The following HIVEP3 variants were observed in gnomAD, a reference collection of about 807,000 sequenced individuals.
The protein encoded by HIVEP3 is transcription factor HIVEP3.
HIVEP3 carries 49 observed loss-of-function variants against 152.8 expected under a neutral mutation model. The ratio of observed to expected loss-of-function variants is 0.32; its 90% CI spans 0.26 to 0.41. The LOEUF is 0.41. Ranked by LOEUF, HIVEP3 falls within the 10% of genes least tolerant of loss-of-function variation. The pLI, the probability that HIVEP3 is intolerant of heterozygous loss-of-function variation, is 1.00. For synonymous variants in HIVEP3, 1,269 were observed against 1,289.0 expected (o/e 0.98, Z 0.33); for missense variants, 2,790 against 3,103.3 (o/e 0.90, Z 2.40).
chr1:41,970,305 G>A (rs1570855054), intron 1 of HIVEP3, among the ~76,000 whole-genome samples: 1 of 152,118 alleles, frequency 6.6e-6, no homozygotes. Flanking sequence ...TATCAATGAT[G>A]GACTAGATAA....
At chr1:42,002,079 G>A (rs1042066068) in intron 1 of HIVEP3, among the ~76,000 whole-genome samples, 3 of 151,976 alleles carry the variant, frequency 2.0e-5, no homozygotes, top group Non-Finnish European at 2.9e-5. Flanking sequence ...CTTTAGAAAC[G>A]GTAGGTCTTT....
At chr1:41,870,660 A>C (rs1570707821) in intron 1 of HIVEP3, among the ~76,000 whole-genome samples, 1 of 152,246 alleles carries the variant, frequency 6.6e-6, no homozygotes, top group East Asian at 1.9e-4. Context: ...TAAATTTAAC[A>C]AACGAAATTG....
intron 2 of HIVEP3, among the ~76,000 whole-genome samples, chr1:41,656,913 G>T (rs774739804): frequency 3.5e-4 from 53 of 152,324 alleles, no homozygotes; most frequent in Admixed American, 1.1e-3. Flanking sequence ...TCCAGAGCCT[G>T]TTGGGCTGGG....
At chr1:41,904,343 T>C (rs939163216) in intron 1 of HIVEP3, among the ~76,000 whole-genome samples, 1 of 152,146 alleles carries the variant, frequency 6.6e-6, no homozygotes, top group Non-Finnish European at 1.5e-5. Flanking sequence ...TTCCCTTGAC[T>C]GTAAAAGAGG....
At chr1:41,984,642 T>C (rs1421619643) in intron 1 of HIVEP3, among the ~76,000 whole-genome samples, 1 of 152,160 alleles carries the variant, frequency 6.6e-6, no homozygotes, top group East Asian at 1.9e-4. Context: ...GGAGGACACA[T>C]GGCAGAGAAG....
rs373960096 is a variant in HIVEP3, at chr1:41,582,993, C to A, written c.1805G>T (p.Ser602Ile). 4 of 1,614,120 alleles carry A rather than the reference C, an allele frequency of 2.5e-6. No individual in the cohort carries two copies. ...AIELPLGGEY[S>I]SEEPGPSSKD... The stretch of plus-strand genomic sequence containing the variant: ...GCTGCTTGGGCCAGGCTCCTCAGAA[C>A]TGTATTCCCCTCCCAAAGGTAATTC... The change falls in exon 4 of 9, where the codon AGT becomes ATT. Residue 602 changes from serine (S) to isoleucine (I), a missense_variant. Physicochemically the swap from Ser to Ile is moderately radical, Grantham distance 142. Around this residue, in one of 9 missense-constraint regions of HIVEP3, gnomAD observed 339 missense variants for 327.0 expected, o/e 1.04. Transcript: ENST00000372583. The surrounding 1 kb of genome is among the most constrained non-coding windows in gnomAD (Gnocchi z 4.7).
At chr1:41,568,317 G>A (rs1644200248) in intron 5 of HIVEP3, among the ~76,000 whole-genome samples, 1 of 152,254 alleles carries the variant, frequency 6.6e-6, no homozygotes. Context: ...GAGAGTCTCT[G>A]GAAAAAGAGC....
In HIVEP3 at chr1:41,767,487, G is replaced by A. The variant is rs1349097714; in HGVS notation, c.-800-66492C>T. The stretch of plus-strand genomic sequence containing the variant: ...TTCCCAGAGGAGGCAACACTGGGAA[G>A]AATGAGGGTGTGGGCCCCACCAGTT... On this transcript the variant is annotated intron_variant, in intron 1 of 8. Transcript: ENST00000372583. Among the ~76,000 whole-genome samples the A allele has an allele frequency of 1.3e-5, 2 of 152,204 alleles. 1 individual carries two copies. The highest frequency in any genetic ancestry group is 4.1e-4 in the South Asian group (2 of 4,826).
chr1:41,618,298 G>A (rs1349083796), intron 3 of HIVEP3, among the ~76,000 whole-genome samples: 1 of 152,250 alleles, frequency 6.6e-6, no homozygotes, highest in East Asian at 1.9e-4. Flanking sequence ...GCCGGGCCAG[G>A]AGGTTAACTC....
intron 5 of HIVEP3, among the ~76,000 whole-genome samples, chr1:41,551,601 T>A (rs1364346624): frequency 6.6e-6 from 1 of 152,246 alleles, no homozygotes; most frequent in South Asian, 2.1e-4. Flanking sequence ...CCTGGTTTAG[T>A]CTTGGGAGGG....
chr1:41,622,637 T>C (rs868209688), intron 3 of HIVEP3, among the ~76,000 whole-genome samples: 2 of 152,190 alleles, frequency 1.3e-5, no homozygotes, highest in African/African-American at 4.8e-5. Flanking sequence ...TATCTGGCCA[T>C]TCAGAGCAAA....
intron 1 of HIVEP3, among the ~76,000 whole-genome samples, chr1:41,859,832 GC>G (rs1401487794): frequency 6.6e-6 from 1 of 152,094 alleles, no homozygotes; most frequent in Non-Finnish European, 1.5e-5. Context: ...CTTGCGAATT[GC>G]CTGTTCATGT....
intron 1 of HIVEP3, among the ~76,000 whole-genome samples, chr1:41,821,982 C>A (rs1472759491): frequency 6.6e-6 from 1 of 152,192 alleles, no homozygotes; most frequent in East Asian, 1.9e-4. Context: ...TCCATTGCTG[C>A]CTAACAAACC....
At chr1:41,842,535 C>A (rs994677726) in intron 1 of HIVEP3, among the ~76,000 whole-genome samples, 13 of 152,232 alleles carry the variant, frequency 8.5e-5, no homozygotes, top group Middle Eastern at 3.4e-3. Flanking sequence ...GCCTCTGGGG[C>A]TTTATCCATG....
chr1:41,792,138 G>A (rs1649735594), intron 1 of HIVEP3, among the ~76,000 whole-genome samples: 1 of 152,180 alleles, frequency 6.6e-6, no homozygotes, highest in Non-Finnish European at 1.5e-5. Context: ...GTCCTGAGTT[G>A]CTTGAGGCAA....
At chr1:41,625,913 A>G (rs16828507) in intron 3 of HIVEP3, among the ~76,000 whole-genome samples, 2,279 of 152,356 alleles carry the variant, frequency 0.015, 66 homozygotes, top group African/African-American at 0.051. Flanking sequence ...ATATATTGAC[A>G]TTCCATGCAA....
chr1:41,719,054 G>A (rs1646639232), intron 1 of HIVEP3, among the ~76,000 whole-genome samples: 1 of 152,216 alleles, frequency 6.6e-6, no homozygotes, highest in African/African-American at 2.4e-5. Context: ...TTAATACTGT[G>A]AGAGATAAAG....
At chr1:41,970,914 AG>A (rs1279388251) in intron 1 of HIVEP3, among the ~76,000 whole-genome samples, 1 of 152,190 alleles carries the variant, frequency 6.6e-6, no homozygotes, top group Non-Finnish European at 1.5e-5. Flanking sequence ...CAGGTTTCAG[AG>A]GAAGCTGCCT....
intron 3 of HIVEP3, among the ~76,000 whole-genome samples, chr1:41,620,869 C>T (rs1332637343): frequency 6.6e-6 from 1 of 152,214 alleles, no homozygotes; most frequent in Non-Finnish European, 1.5e-5. Flanking sequence ...CACTACTGTG[C>T]ACCAGGCAGT....
Sources: allele counts gnomAD v4.1 joint callset (sites outside exome capture counted in the v4.1 genomes callset), GRCh38; gene constraint gnomAD v4.1.1; regional missense constraint gnomAD v4.1.1; non-coding constraint Gnocchi (gnomAD v3.1); transcripts MANE v1.5; gene names NCBI Gene and HGNC (gene_info 2026-07-23, HGNC 2026-07-21).